Variants in TASP1 observed in about 807,000 individuals in gnomAD.
The protein encoded by TASP1 is threonine aspartase 1.
TASP1 carries 16 observed loss-of-function variants against 56.6 expected under a neutral mutation model. The ratio of observed to expected loss-of-function variants is 0.28; its 90% CI spans 0.19 to 0.43. TASP1 has a LOEUF of 0.43. Ranked by LOEUF, TASP1 falls within the 20% of genes least tolerant of loss-of-function variation. The probability of loss-of-function intolerance (pLI) is 1.00; values close to 1 mark genes in which losing one functional copy is unlikely to be tolerated. For synonymous variants in TASP1, 179 were observed against 184.2 expected (o/e 0.97, Z 0.23); for missense variants, 393 against 511.6 (o/e 0.77, Z 2.24).
intron 13 of TASP1, among the ~76,000 whole-genome samples, chr20:13,393,840 T>G (rs2041390835): frequency 6.6e-6 from 1 of 151,536 alleles, no homozygotes; most frequent in South Asian, 2.1e-4. Flanking sequence ...AGCCCCACCC[T>G]GTTGTATACC....
intron 2 of TASP1, among the ~76,000 whole-genome samples, chr20:13,629,007 C>T (rs75634905): frequency 5.9e-5 from 9 of 152,174 alleles, no homozygotes; most frequent in South Asian, 2.1e-4. Flanking sequence ...CTAGCACCAA[C>T]CACCAGTGTC....
chr20:13,558,188 C>G (rs756279689), intron 8 of TASP1, among the ~76,000 whole-genome samples: 8 of 152,136 alleles, frequency 5.3e-5, no homozygotes, highest in South Asian at 2.1e-4. Context: ...TACAGAAGAA[C>G]TAAACAATAA....
chr20:13,338,903 A>G, the TASP1 span, among the ~76,000 whole-genome samples: 847 of 152,176 alleles, frequency 5.6e-3, 7 homozygotes, highest in African/African-American at 0.019. Context: ...ACCATCACCA[A>G]TACACCTACA....
chr20:13,477,485 T>C (rs1213950267), intron 11 of TASP1, among the ~76,000 whole-genome samples: 1 of 152,078 alleles, frequency 6.6e-6, no homozygotes, highest in Admixed American at 6.6e-5. Context: ...AAATGTACCA[T>C]GATATTAGTC....
At chr20:13,238,169 TA>T in the TASP1 span, 1 of 152,194 alleles carries the variant, frequency 6.6e-6, no homozygotes, top group Non-Finnish European at 1.5e-5. Flanking sequence ...TTCCATTTAA[TA>T]AACATCACTG....
chr20:13,248,540 A>G, the TASP1 span, among the ~76,000 whole-genome samples: 1 of 152,230 alleles, frequency 6.6e-6, no homozygotes, highest in African/African-American at 2.4e-5. Flanking sequence ...ATTTCATAAT[A>G]AATAAGACCA....
At chr20:13,503,091 G>T (rs1259064974) in intron 10 of TASP1, among the ~76,000 whole-genome samples, 1 of 152,122 alleles carries the variant, frequency 6.6e-6, no homozygotes, top group African/African-American at 2.4e-5. Context: ...GAAGTGATTG[G>T]CACAATTAAG....
intron 5 of TASP1, among the ~76,000 whole-genome samples, chr20:13,582,840 T>C (rs1336564789): frequency 6.6e-6 from 1 of 152,162 alleles, no homozygotes; most frequent in East Asian, 1.9e-4. Context: ...TGAAAATGGA[T>C]ATGGGCCCTC....
chr20:13,116,421 A>G, the TASP1 span, among the ~76,000 whole-genome samples: 3 of 152,266 alleles, frequency 2.0e-5, no homozygotes, highest in East Asian at 5.8e-4. Context: ...CAACATAGAC[A>G]CAGCTTGCAA....
the TASP1 span, chr20:13,164,345 G>T: frequency 2.1e-6 from 1 of 472,030 alleles, no homozygotes; most frequent in Non-Finnish European, 4.4e-6. Context: ...ATTCCTCTTT[G>T]TTCTTGGCCA....
chr20:13,309,859 A>C, the TASP1 span, among the ~76,000 whole-genome samples: 1 of 150,350 alleles, frequency 6.7e-6, no homozygotes, highest in African/African-American at 2.5e-5. Context: ...ATCAAAAAAA[A>C]CTAAGGATGA....
At chr20:13,121,063 T>G in the TASP1 span, among the ~76,000 whole-genome samples, 1 of 152,366 alleles carries the variant, frequency 6.6e-6, no homozygotes, top group East Asian at 1.9e-4. Context: ...CTTATTTTTA[T>G]TCTTTCACAT....
the TASP1 span, among the ~76,000 whole-genome samples, chr20:13,352,969 G>A: frequency 2.0e-5 from 3 of 151,950 alleles, no homozygotes; most frequent in African/African-American, 7.3e-5. Flanking sequence ...GGGCAAGGTG[G>A]TTCACATCTG....
intron 11 of TASP1, among the ~76,000 whole-genome samples, chr20:13,476,853 C>T (rs1003046780): frequency 6.6e-6 from 1 of 151,938 alleles, no homozygotes; most frequent in African/African-American, 2.4e-5. Context: ...GAAGGAGAAA[C>T]ATCTTTGATT....
At chr20:13,106,931 G>A in the TASP1 span, among the ~76,000 whole-genome samples, 4 of 152,198 alleles carry the variant, frequency 2.6e-5, no homozygotes, top group East Asian at 1.9e-4. Context: ...GCAGGGAAAC[G>A]TTCTCCACTG....
At position 13,616,771 on chromosome 20, in the gene TASP1, C is replaced by A. The variant is rs138072709; in HGVS notation, c.282+6675G>T. The A allele has an allele frequency of 1.9e-3, 403 of 215,820 alleles. 4 individuals carry two copies. The highest frequency in any genetic ancestry group is 8.9e-3 in the African/African-American group (376 of 42,426). 13.4% of individuals were successfully genotyped at this position (215,820 alleles called of 1,614,324 possible). On this transcript the variant is annotated intron_variant, in intron 4 of 13. Coordinates refer to ENST00000337743, the MANE Select transcript of TASP1 (RefSeq NM_017714.3). Reference sequence around the variant, plus strand: ...GGATGTATCTATGTGTAAACACAAACAGTAAGTTACAAGTTGCCCCTTAGT... The same window carrying A: ...GGATGTATCTATGTGTAAACACAAAAAGTAAGTTACAAGTTGCCCCTTAGT...
chr20:13,311,483 C>G, the TASP1 span, among the ~76,000 whole-genome samples: 6 of 152,140 alleles, frequency 3.9e-5, no homozygotes, highest in African/African-American at 1.4e-4. Context: ...ATATCTGCAT[C>G]TTCATGTTCA....
At chr20:13,579,064 AACAACT>A (rs1254806486) in intron 6 of TASP1, among the ~76,000 whole-genome samples, 2 of 152,220 alleles carry the variant, frequency 1.3e-5, no homozygotes, top group African/African-American at 4.8e-5. Flanking sequence ...TTGCCAACCA[AACAACT>A]ACATCTTTTT....
At chr20:13,226,231 T>TA in the TASP1 span, among the ~76,000 whole-genome samples, 1 of 152,240 alleles carries the variant, frequency 6.6e-6, no homozygotes, top group African/African-American at 2.4e-5. Flanking sequence ...TTGCCTTCAG[T>TA]AAAACAGCTT....
Sources: allele counts gnomAD v4.1 joint callset (sites outside exome capture counted in the v4.1 genomes callset), GRCh38; gene constraint gnomAD v4.1.1; transcripts MANE v1.5; gene names NCBI Gene and HGNC (gene_info 2026-07-23, HGNC 2026-07-21).